SSR1: variants seen among roughly 807,000 people sequenced by gnomAD.
SSR1 encodes the protein translocon-associated protein subunit alpha.
Under a neutral mutation model 36.1 loss-of-function variants are expected in SSR1, and 13 were observed. That is an observed-to-expected ratio of 0.36 (90% CI 0.23 to 0.57). The LOEUF is 0.57. Ranked by LOEUF, SSR1 falls within the 20% of genes least tolerant of loss-of-function variation. The probability of loss-of-function intolerance (pLI) is 0.81; values close to 1 mark genes in which losing one functional copy is unlikely to be tolerated. For synonymous variants in SSR1, 113 were observed against 118.9 expected, an observed-to-expected ratio of 0.95 and a Z score of 0.32; for missense variants, 291 against 338.5, an observed-to-expected ratio of 0.86 and a Z score of 1.10.
rs1384143085 is a variant in SSR1, at chr6:7,281,551, A to G, written c.*8313T>C. 1.3e-5 allele frequency: 2 copies of G among 152,258 alleles called. No homozygotes were observed. The highest frequency in any genetic ancestry group is 6.5e-5 in the Admixed American group (1 of 15,284). 9.4% of individuals were successfully genotyped at this position (152,258 alleles called of 1,614,324 possible). A position where few individuals can be genotyped will look rare whatever the true frequency, so the allele number is the denominator to read the frequency against. ...ATGAACAGAAATATTTTAAACCACA[A>G]GTATTTCATCCCAACTAAATTCCAA... is the stretch of plus-strand genomic sequence containing the variant. On this transcript the variant is annotated 3_prime_UTR_variant, in exon 8 of 8. Transcript: ENST00000244763.
chr6:7,308,099 G>A (rs925302077), intron 2 of SSR1, among the ~76,000 whole-genome samples: 1 of 152,152 alleles, frequency 6.6e-6, no homozygotes, highest in Non-Finnish European at 1.5e-5. Flanking sequence ...ACTTAATGCA[G>A]GCTGGGTTGA....
chr6:7,293,155 T>C (rs1349632189), intron 7 of SSR1, among the ~76,000 whole-genome samples: 1 of 150,064 alleles, frequency 6.7e-6, no homozygotes, highest in Admixed American at 6.6e-5. Context: ...TTTGGTATCC[T>C]GCAAAAACTG....
chr6:7,285,966 T>G lies in SSR1; in HGVS notation c.*3898A>C, dbSNP rs1757544698. On this transcript the variant is annotated 3_prime_UTR_variant, in exon 8 of 8. Coordinates refer to ENST00000244763, the MANE Select transcript of SSR1 (RefSeq NM_003144.5). The surrounding 1 kb of genome is among the most constrained non-coding windows in gnomAD (Gnocchi z 4.1). ...ATTATCATAGATACAATACAGCAAG[T>G]ATATATGGTATATTCATTACTGAGA... is the stretch of plus-strand genomic sequence containing the variant. 6.6e-6 allele frequency: 1 copy of G among 152,226 alleles called. No individual in the cohort carries two copies. The highest frequency in any genetic ancestry group is 1.5e-5 in the Non-Finnish European group (1 of 68,038). 9.4% of individuals were successfully genotyped at this position (152,226 alleles called of 1,614,324 possible). A position where few individuals can be genotyped will look rare whatever the true frequency, so the allele number is the denominator to read the frequency against.
At chr6:7,311,485 TAAAG>T (rs1053047469) in intron 1 of SSR1, among the ~76,000 whole-genome samples, 2 of 152,194 alleles carry the variant, frequency 1.3e-5, no homozygotes, top group African/African-American at 4.8e-5. Flanking sequence ...TGCAAAATAT[TAAAG>T]AACACTGAAC....
intron 2 of SSR1, among the ~76,000 whole-genome samples, chr6:7,306,576 C>T (rs919607332): frequency 1.3e-5 from 2 of 152,052 alleles, no homozygotes; most frequent in Non-Finnish European, 2.9e-5. Flanking sequence ...AGTTCCATTG[C>T]GACCCAGTTT....
intron 2 of SSR1, among the ~76,000 whole-genome samples, chr6:7,306,712 C>G (rs553247140): frequency 2.8e-4 from 42 of 151,290 alleles, no homozygotes; most frequent in South Asian, 1.3e-3. Context: ...GTCAGGAGAT[C>G]GAGACCATCC....
chr6:7,300,257 A>C (rs1397656103), intron 4 of SSR1, among the ~76,000 whole-genome samples: 1 of 152,214 alleles, frequency 6.6e-6, no homozygotes, highest in African/African-American at 2.4e-5. Flanking sequence ...GGGTAATGAA[A>C]AGGTTGAATT....
intron 6 of SSR1, among the ~76,000 whole-genome samples, chr6:7,295,699 A>C (rs1416681025): frequency 1.3e-5 from 2 of 152,166 alleles, no homozygotes; most frequent in African/African-American, 4.8e-5. Flanking sequence ...CACCTATCAA[A>C]TTACTTAATT....
chr6:7,301,697 T>C (rs1316842754), intron 3 of SSR1, 125 bp from the exon 4 acceptor site: 28 of 991,938 alleles, frequency 2.8e-5, no homozygotes, highest in Non-Finnish European at 3.9e-5. Context: ...TCCCTTCCAA[T>C]AGAGCACTCC....
rs1757771742 is a variant in SSR1, at chr6:7,295,397, T to G, written c.788A>C (p.Gln263Pro). The G allele has an allele frequency of 6.2e-7, 1 of 1,609,262 alleles. No individual in the cohort carries two copies. Residue 263 changes from glutamine to proline, a missense_variant, in exon 7 of 8, where the codon CAA (glutamine) becomes CCA (proline). Gln to Pro is a moderately conservative substitution (Grantham distance 76). Coordinates refer to ENST00000244763, the MANE Select transcript of SSR1 (RefSeq NM_003144.5). ...MSWIPQETLN[Q>P]INKASPRRLP... ...AAGTCTGTAAGACTACTTACTGATTTGATTCAATGTTTCCTGAGGAATCCA... is the reference window on the plus strand; with the variant it reads ...AAGTCTGTAAGACTACTTACTGATTGGATTCAATGTTTCCTGAGGAATCCA...
At chr6:7,298,937 TAGAAG>T (rs1403367505) in intron 4 of SSR1, 114 bp from the exon 5 acceptor site, 5 of 765,556 alleles carry the variant, frequency 6.5e-6, no homozygotes, top group Admixed American at 2.5e-5. Flanking sequence ...TCCCATCACT[TAGAAG>T]ACTCAACAAA....
At chr6:7,306,647 T>C (rs1052930066) in intron 2 of SSR1, among the ~76,000 whole-genome samples, 5 of 149,106 alleles carry the variant, frequency 3.4e-5, no homozygotes, top group Non-Finnish European at 5.9e-5. Flanking sequence ...CCAGGTGCAG[T>C]GGCTCATGCC....
chr6:7,292,682 A>G (rs1217199904), intron 7 of SSR1, among the ~76,000 whole-genome samples: 1 of 152,078 alleles, frequency 6.6e-6, no homozygotes, highest in Non-Finnish European at 1.5e-5. Flanking sequence ...CACCATGCCC[A>G]GCTTACCATA....
intron 3 of SSR1, among the ~76,000 whole-genome samples, chr6:7,302,037 C>T (rs905204681): frequency 6.6e-6 from 1 of 152,228 alleles, no homozygotes; most frequent in Middle Eastern, 3.4e-3. Context: ...TCCCAATCCA[C>T]GTTAAGCAAT....
At chr6:7,301,648 G>T in intron 3 of SSR1, 76 bp from the exon 4 acceptor site, 1 of 1,436,864 alleles carries the variant, frequency 7.0e-7, no homozygotes, top group East Asian at 2.3e-5. Flanking sequence ...CATTACTAAT[G>T]GATTCTGGCA....
chr6:7,302,679 T>C (rs1159395826), intron 3 of SSR1, among the ~76,000 whole-genome samples: 1 of 151,944 alleles, frequency 6.6e-6, no homozygotes, highest in South Asian at 2.1e-4. Context: ...GGAGAATCAC[T>C]TGAACCTGGG....
In SSR1 at chr6:7,303,578, A is replaced by G. The variant is rs191413394; in HGVS notation, c.252T>C (p.Asp84=). The change falls in exon 3 of 8, where the codon GAT becomes GAC. Residue 84 remains aspartate, a synonymous_variant. Transcript: ENST00000244763. The part of the protein sequence containing the change: ...SGEPEASPSA[D]TTILFVKGED... ...CTCCTTTTACAAACAGTATAGTTGT[A>G]TCTGCACTCGGTGAAGCTTCAGGTT... The G allele has an allele frequency of 1.5e-4, 240 of 1,613,352 alleles. No individual in the cohort carries two copies. The highest frequency in any genetic ancestry group is 1.9e-4 in the Non-Finnish European group (225 of 1,179,692).
At chr6:7,308,738 A>G (rs1239427457) in intron 2 of SSR1, among the ~76,000 whole-genome samples, 5 of 126,768 alleles carry the variant, frequency 3.9e-5, no homozygotes, top group Non-Finnish European at 8.6e-5. Context: ...TAAAACACAT[A>G]TAACTGCCCC....
At chr6:7,290,781 T>C (rs889325057) in intron 7 of SSR1, among the ~76,000 whole-genome samples, 1 of 152,060 alleles carries the variant, frequency 6.6e-6, no homozygotes, top group African/African-American at 2.4e-5. Context: ...CACCAAAGCA[T>C]GGGGCTTATC....
Sources: allele counts gnomAD v4.1 joint callset (sites outside exome capture counted in the v4.1 genomes callset), GRCh38; gene constraint gnomAD v4.1.1; non-coding constraint Gnocchi (gnomAD v3.1); transcripts MANE v1.5; gene names NCBI Gene and HGNC (gene_info 2026-07-23, HGNC 2026-07-21).